Variants in KSR2 observed in about 807,000 individuals in gnomAD.
KSR2 encodes the protein kinase suppressor of ras 2.
A neutral mutation model predicts 107.8 loss-of-function variants in KSR2; 25 were observed. The observed-to-expected ratio is 0.23, with a 90% CI of 0.17 to 0.32. The LOEUF (loss-of-function observed/expected upper bound fraction) is 0.32. KSR2 is among the 10% of genes least tolerant of loss of function. The pLI is 1.00. For synonymous variants in KSR2, 480 were observed against 507.0 expected (o/e 0.95, Z 0.71); for missense variants, 887 against 1,268.9 (o/e 0.70, Z 4.57).
intron 5 of KSR2, among the ~76,000 whole-genome samples, chr12:117,664,041 G>C (rs539695129): frequency 6.6e-6 from 1 of 152,342 alleles, no homozygotes; most frequent in South Asian, 2.1e-4. Context: ...AGAAGCGTCT[G>C]ACGTCTTTCA....
Position 117,471,229 on chromosome 12 carries a change from G to C in KSR2, c.2674C>G (p.Pro892Ala). ...CCCATGCCAATCTGGCTGAGGTTGGGTTTCATGCCTGTGCCCATTTGCCAG... is the reference window on the plus strand; with the variant it reads ...CCCATGCCAATCTGGCTGAGGTTGGCTTTCATGCCTGTGCCCATTTGCCAG... ...IIWQMGTGMK[P>A]NLSQIGMGKE... Residue 892 changes from proline to alanine, a missense_variant, in exon 18 of 20, where the codon CCC becomes GCC. Coordinates refer to ENST00000339824, the MANE Select transcript of KSR2 (RefSeq NM_173598.6). The C allele has an allele frequency of 6.2e-7, 1 of 1,613,946 alleles. No homozygotes were observed. Among genetic ancestry groups the C allele is most frequent in the Non-Finnish European group, 8.5e-7 (1 of 1,179,868 alleles).
At position 117,860,323 on chromosome 12, in the gene KSR2, G is replaced by A. The variant is rs1893248656; in HGVS notation, c.289C>T (p.Arg97Ter). The A allele has an allele frequency of 1.2e-6, 2 of 1,613,622 alleles. No homozygotes were observed. The highest frequency in any genetic ancestry group is 1.3e-5 in the African/African-American group (1 of 74,936). The stretch of plus-strand genomic sequence containing the variant: ...ACCTCCTTGCGCACATCGACGATTC[G>A]GAACCAGTGCCGTAGCTGGGGGAAG... ...DGFPQLRHWFRIVDVRKEVLE... is the reference protein window; with the variant it reads ...DGFPQLRHWF Residue 97 changes from arginine to a stop codon, truncating the protein, a stop_gained, in exon 2 of 20, where the codon CGA (arginine) becomes TGA (stop). Transcript: ENST00000339824. LOFTEE classifies it high-confidence loss of function.
intron 4 of KSR2, among the ~76,000 whole-genome samples, chr12:117,713,030 T>C (rs1041243837): frequency 1.3e-5 from 2 of 148,510 alleles, no homozygotes; most frequent in African/African-American, 2.5e-5. Flanking sequence ...GAAATATGTA[T>C]ATAGATATCT....
chr12:117,845,218 A>G (rs550035247), intron 3 of KSR2, among the ~76,000 whole-genome samples: 7 of 152,188 alleles, frequency 4.6e-5, no homozygotes, highest in Non-Finnish European at 8.8e-5. Flanking sequence ...CTCGATAACA[A>G]TGAGAGATAA....
At position 117,461,524 on chromosome 12, in the gene KSR2, C is replaced by G. The variant is rs539270915; in HGVS notation, c.*5675G>C. The stretch of plus-strand genomic sequence containing the variant: ...GTCACTGGGACCGCAGATTTTCCAT[C>G]AACCTCCTGCCCCACTACTGGTTTC... On this transcript the variant is annotated 3_prime_UTR_variant, in exon 20 of 20. Transcript: ENST00000339824. 1 of 152,496 alleles carries G rather than the reference C, an allele frequency of 6.6e-6. No individual in the cohort carries two copies. Among genetic ancestry groups the G allele is most frequent in the South Asian group, 2.1e-4 (1 of 4,812 alleles). The allele number at this position is 152,496 out of a possible 1,614,324, so 9.4% of individuals were successfully genotyped here.
intron 7 of KSR2, among the ~76,000 whole-genome samples, chr12:117,564,461 C>G (rs187492646): frequency 6.6e-6 from 1 of 150,564 alleles, no homozygotes; most frequent in African/African-American, 2.4e-5. Context: ...TGAGCACACA[C>G]AGAAAAAGCC....
chr12:117,793,109 C>G (rs1890329090), intron 3 of KSR2, among the ~76,000 whole-genome samples: 1 of 102,430 alleles, frequency 9.8e-6, no homozygotes, highest in African/African-American at 4.8e-5. Flanking sequence ...CTCACACCAA[C>G]GTGCACACAA....
At chr12:117,839,540 A>C (rs561777987) in intron 3 of KSR2, among the ~76,000 whole-genome samples, 27 of 152,336 alleles carry the variant, frequency 1.8e-4, no homozygotes, top group Non-Finnish European at 3.8e-4. Flanking sequence ...TATGTTTTTA[A>C]TATTTTATCG....
chr12:117,562,067 TGG>T (rs566632336), intron 7 of KSR2, among the ~76,000 whole-genome samples: 1 of 151,954 alleles, frequency 6.6e-6, no homozygotes, highest in East Asian at 1.9e-4. Context: ...GAAAATGGGT[TGG>T]GGGGAATGAT....
rs184735085 is a variant in KSR2 at position 117,865,883 on chromosome 12, T to C, written c.181-5452A>G. Among the ~76,000 whole-genome samples the C allele has an allele frequency of 1.3e-3, 200 of 152,284 alleles. 1 individual carries two copies. Among genetic ancestry groups the C allele is most frequent in the Middle Eastern group, 3.4e-3 (1 of 294 alleles). ...CTTGAGAGGTGGTACCCAGGCATAG[T>C]GTTAAATAACATCGTATCATATAGC... On this transcript the variant is annotated intron_variant, in intron 1 of 19. Transcript: ENST00000339824.
At chr12:117,524,299 G>A (rs1874959995) in intron 14 of KSR2, among the ~76,000 whole-genome samples, 1 of 152,158 alleles carries the variant, frequency 6.6e-6, no homozygotes, top group Non-Finnish European at 1.5e-5. Flanking sequence ...GAATAGAGGG[G>A]GAACTAGACC....
chr12:117,766,037 T>C (rs1437662650), intron 3 of KSR2, among the ~76,000 whole-genome samples: 1 of 152,160 alleles, frequency 6.6e-6, no homozygotes, highest in Non-Finnish European at 1.5e-5. Flanking sequence ...AAACTCTCAC[T>C]GCAGTTCCAT....
intron 1 of KSR2, among the ~76,000 whole-genome samples, chr12:117,868,522 A>G (rs1161577791): frequency 1.3e-5 from 2 of 152,074 alleles, no homozygotes; most frequent in East Asian, 1.9e-4. Flanking sequence ...TCACACATGC[A>G]TTATTTCAAT....
intron 3 of KSR2, among the ~76,000 whole-genome samples, chr12:117,779,853 T>C (rs113777704): frequency 2.6e-5 from 4 of 152,336 alleles, no homozygotes; most frequent in African/African-American, 9.6e-5. Flanking sequence ...TATTTCTTTA[T>C]AGTGGTGTGA....
intron 1 of KSR2, among the ~76,000 whole-genome samples, chr12:117,862,932 T>C (rs1231122419): frequency 6.6e-6 from 1 of 152,092 alleles, no homozygotes; most frequent in Non-Finnish European, 1.5e-5. Context: ...GGTTTCACCG[T>C]GTTAGCCAGG....
At chr12:117,624,798 A>G (rs948832914) in intron 5 of KSR2, among the ~76,000 whole-genome samples, 2 of 152,052 alleles carry the variant, frequency 1.3e-5, no homozygotes, top group South Asian at 2.1e-4. Context: ...TTTGGGCAGC[A>G]TGGCCATTTT....
intron 14 of KSR2, among the ~76,000 whole-genome samples, chr12:117,510,706 TG>T (rs1873969237): frequency 6.6e-6 from 1 of 152,066 alleles, no homozygotes; most frequent in African/African-American, 2.4e-5. Flanking sequence ...GGAGAAATCC[TG>T]TCTCTACCAA....
intron 5 of KSR2, among the ~76,000 whole-genome samples, chr12:117,652,172 G>A (rs1248253623): frequency 6.6e-6 from 1 of 152,144 alleles, no homozygotes; most frequent in African/African-American, 2.4e-5. Flanking sequence ...GTGTGGGAGG[G>A]GGGCGAGGGA....
rs550697641 is a variant in KSR2 at position 117,781,340 on chromosome 12, G to A, written c.473-19816C>T. On this transcript the variant is annotated intron_variant, in intron 3 of 19. Coordinates refer to ENST00000339824, the MANE Select transcript of KSR2 (RefSeq NM_173598.6). ...AATACAGGTCTGGAGGATGAGTGGC[G>A]GTTCATTAAGCAAAGAAAGAGGGAC... Among the ~76,000 whole-genome samples, 7 of 152,108 alleles carry A rather than the reference G, an allele frequency of 4.6e-5. No homozygotes were observed. The South Asian group carries it at 6.2e-4, about 14-fold the overall frequency.
Sources: allele counts gnomAD v4.1 joint callset (sites outside exome capture counted in the v4.1 genomes callset), GRCh38; gene constraint gnomAD v4.1.1; transcripts MANE v1.5; gene names NCBI Gene and HGNC (gene_info 2026-07-23, HGNC 2026-07-21).